The following CDK14 variants were observed in gnomAD, a reference collection of about 807,000 sequenced individuals.
CDK14 encodes the protein cyclin dependent kinase 14.
Under a neutral mutation model 60.7 loss-of-function variants are expected in CDK14, and 34 were observed. The ratio of observed to expected loss-of-function variants is 0.56; its 90% CI spans 0.43 to 0.75. The LOEUF is 0.75. CDK14 is among the 30% of genes least tolerant of loss of function. The probability of loss-of-function intolerance (pLI) is 0.00; values close to 1 mark genes in which losing one functional copy is unlikely to be tolerated. For synonymous variants in CDK14, 197 were observed against 203.7 expected (o/e 0.97, Z 0.28); for missense variants, 482 against 564.1 (o/e 0.85, Z 1.47).
intron 8 of CDK14, among the ~76,000 whole-genome samples, chr7:90,923,552 A>G (rs190474672): frequency 6.6e-6 from 1 of 152,326 alleles, no homozygotes; most frequent in Admixed American, 6.5e-5. Context: ...GATTGAAGCA[A>G]TGTAGATAGG....
intron 2 of CDK14, among the ~76,000 whole-genome samples, chr7:90,642,811 G>C (rs1222789154): frequency 6.6e-6 from 1 of 152,062 alleles, no homozygotes; most frequent in Non-Finnish European, 1.5e-5. Context: ...AACGTTTAAA[G>C]GTGTATTTCT....
At chr7:90,810,150 T>G (rs1398479287) in intron 5 of CDK14, among the ~76,000 whole-genome samples, 3 of 152,142 alleles carry the variant, frequency 2.0e-5, no homozygotes, top group South Asian at 2.1e-4. Context: ...TACCAAAGCC[T>G]GGCAGAGACA....
At chr7:90,720,125 G>A (rs1448494005) in intron 2 of CDK14, among the ~76,000 whole-genome samples, 1 of 152,162 alleles carries the variant, frequency 6.6e-6, no homozygotes, top group Non-Finnish European at 1.5e-5. Flanking sequence ...GACAGTCCTT[G>A]CCCTGTGGAA....
intron 11 of CDK14, among the ~76,000 whole-genome samples, chr7:91,057,554 C>A (rs1020791430): frequency 6.6e-6 from 1 of 152,186 alleles, no homozygotes; most frequent in African/African-American, 2.4e-5. Context: ...ATGGTTAAGT[C>A]TTTAATCCAT....
chr7:91,050,135 G>C (rs1460389881), intron 11 of CDK14, among the ~76,000 whole-genome samples: 1 of 152,206 alleles, frequency 6.6e-6, no homozygotes, highest in Non-Finnish European at 1.5e-5. Flanking sequence ...ACGACGTGGG[G>C]CCTTGAGGGA....
intron 8 of CDK14, 39 bp from the exon 9 acceptor site, chr7:90,955,658 A>T (rs371823968): frequency 8.3e-5 from 133 of 1,609,674 alleles, no homozygotes; most frequent in Non-Finnish European, 1.1e-4. Context: ...TGTTTTGCTA[A>T]TGCCTGTTAA....
At chr7:90,661,394 A>G (rs772279066) in intron 2 of CDK14, among the ~76,000 whole-genome samples, 2 of 152,208 alleles carry the variant, frequency 1.3e-5, no homozygotes, top group Non-Finnish European at 2.9e-5. Flanking sequence ...TACGTGATCT[A>G]CATAGCCACA....
rs927652765 is a variant in CDK14, at chr7:91,093,439, G to A, written c.1154+13959G>A. ...GGACAAACAGAGTGGGCCTGAAGGG[G>A]AGATTGGCAAAGAGAGTAGTATACT... On this transcript the variant is annotated intron_variant, in intron 12 of 14. Coordinates refer to ENST00000380050, the MANE Select transcript of CDK14 (RefSeq NM_001287135.2). Among the ~76,000 whole-genome samples the A allele has an allele frequency of 6.6e-5, 10 of 152,182 alleles. No individual in the cohort carries two copies. In the South Asian group the frequency reaches 1.7e-3, roughly 25 times the overall value.
At chr7:91,186,102 TCTCCC>T (rs1197762902) in intron 14 of CDK14, among the ~76,000 whole-genome samples, 5 of 132,542 alleles carry the variant, frequency 3.8e-5, no homozygotes, top group South Asian at 2.7e-4. Flanking sequence ...CTGTCTTCCT[TCTCCC>T]CTCCCCTCCC....
At chr7:91,147,334 G>C (rs1465873331) in intron 14 of CDK14, among the ~76,000 whole-genome samples, 1 of 151,778 alleles carries the variant, frequency 6.6e-6, no homozygotes, top group Admixed American at 6.6e-5. Context: ...ATATTAGAAA[G>C]AAAGTCCAAC....
chr7:90,620,472 C>A (rs545080117), intron 2 of CDK14, among the ~76,000 whole-genome samples: 1 of 152,198 alleles, frequency 6.6e-6, no homozygotes, highest in South Asian at 2.1e-4. Context: ...AGTGCAAGAG[C>A]GCTGGAATCT....
chr7:90,829,245 CA>C (rs202074929), intron 5 of CDK14, among the ~76,000 whole-genome samples: 2,039 of 152,200 alleles, frequency 0.013, 18 homozygotes, highest in Middle Eastern at 0.024. Context: ...TGGCCTCTCC[CA>C]AATCTCATGT....
chr7:91,131,557 CT>C (rs1800118133), intron 14 of CDK14, among the ~76,000 whole-genome samples: 1 of 152,146 alleles, frequency 6.6e-6, no homozygotes. Context: ...ACTCTCAAGG[CT>C]TCAACTTTCT....
chr7:90,988,487 G>C lies in CDK14; in HGVS notation c.1041+4246G>C, dbSNP rs192451069. 7.2e-5 allele frequency among the ~76,000 whole-genome samples: 11 copies of C among 152,210 alleles called. No individual in the cohort carries two copies. In the East Asian group the frequency reaches 1.9e-3, roughly 27 times the overall value. ...ATTACCCAGTTTTTAATGTGGCATG[G>C]TGTATTCTATTCACCTCCATTAGTT... On this transcript the variant is annotated intron_variant, in intron 10 of 14. Transcript: ENST00000380050.
At chr7:90,704,972 A>G (rs964557729) in intron 2 of CDK14, among the ~76,000 whole-genome samples, 1 of 152,154 alleles carries the variant, frequency 6.6e-6, no homozygotes, top group Non-Finnish European at 1.5e-5. Context: ...TTAAAAATCA[A>G]TAACATGAAA....
intron 5 of CDK14, among the ~76,000 whole-genome samples, chr7:90,851,417 G>A (rs1790642210): frequency 6.6e-6 from 1 of 152,138 alleles, no homozygotes; most frequent in Non-Finnish European, 1.5e-5. Context: ...AGGGAAGCAT[G>A]GGTCAGTAGA....
At chr7:90,841,659 TACACACACAC>T (rs57434660) in intron 5 of CDK14, among the ~76,000 whole-genome samples, 5 of 139,384 alleles carry the variant, frequency 3.6e-5, no homozygotes, top group African/African-American at 8.1e-5. Context: ...TATATATATG[TACACACACAC>T]ACACACACAC....
At chr7:91,022,393 A>G (rs1483582709) in intron 10 of CDK14, among the ~76,000 whole-genome samples, 1 of 148,706 alleles carries the variant, frequency 6.7e-6, no homozygotes, top group Non-Finnish European at 1.5e-5. Context: ...GTTTCTATCA[A>G]CTAAATGCCA....
chr7:90,675,590 CT>C (rs2116545189), intron 2 of CDK14, among the ~76,000 whole-genome samples: 1 of 152,282 alleles, frequency 6.6e-6, no homozygotes, highest in South Asian at 2.1e-4. Context: ...TAAAACACCA[CT>C]TTCTTGAATC....
Sources: allele counts gnomAD v4.1 joint callset (sites outside exome capture counted in the v4.1 genomes callset), GRCh38; gene constraint gnomAD v4.1.1; transcripts MANE v1.5; gene names NCBI Gene and HGNC (gene_info 2026-07-23, HGNC 2026-07-21).